Variants in PCDHA10 observed in about 807,000 individuals in gnomAD.
PCDHA10 encodes protocadherin alpha-10.
PCDHA10 carries 45 observed loss-of-function variants against 61.2 expected under a neutral mutation model. The ratio of observed to expected loss-of-function variants is 0.74; its 90% CI spans 0.58 to 0.94. The LOEUF (loss-of-function observed/expected upper bound fraction) is 0.94. PCDHA10 is among the 40% of genes least tolerant of loss of function. The pLI is 0.00. For synonymous variants in PCDHA10, 602 were observed against 548.8 expected (o/e 1.10, Z -1.35); for missense variants, 1,278 against 1,236.2 (o/e 1.03, Z -0.51).
In PCDHA10 at chr5:141,011,628, A is replaced by G. The variant is rs568783669; in HGVS notation, c.*1691A>G. On this transcript the variant is annotated 3_prime_UTR_variant, in exon 4 of 4. Coordinates refer to ENST00000307360, the MANE Select transcript of PCDHA10 (RefSeq NM_018901.4). ...TTTATTTATGGTCCAGCCAAGAGCC[A>G]TCTCGTGCCAAGACTTCTGCTGGCA... is the stretch of plus-strand genomic sequence containing the variant. The G allele has an allele frequency of 6.5e-6, 1 of 153,882 alleles. No homozygotes were observed. Among genetic ancestry groups the G allele is most frequent in the East Asian group, 1.9e-4 (1 of 5,186 alleles). 9.5% of individuals were successfully genotyped at this position (153,882 alleles called of 1,614,324 possible).
intron 1 of PCDHA10, chr5:140,926,720 T>C (rs2083499438): frequency 2.0e-6 from 2 of 1,002,404 alleles, no homozygotes; most frequent in Non-Finnish European, 2.7e-6. Flanking sequence ...GCCCCGGCAA[T>C]GCCGGCGTTC....
rs782527785 is a variant in PCDHA10, at chr5:140,882,593, A to C, written c.2388+24157A>C. 1.9e-6 allele frequency: 3 copies of C among 1,614,126 alleles called. No homozygotes were observed. In the African/African-American group the frequency reaches 4.0e-5, roughly 22 times the overall value. On this transcript the variant is annotated intron_variant, in intron 1 of 3. Coordinates refer to ENST00000307360, the MANE Select transcript of PCDHA10 (RefSeq NM_018901.4). ...GGAGTGCAGCATCCACCTGGAGGTG[A>C]TCGTGGACAGGCCTCTGCAGGTTTT...
At chr5:140,899,512 G>T (rs4386771) in intron 1 of PCDHA10, among the ~76,000 whole-genome samples, 1 of 152,040 alleles carries the variant, frequency 6.6e-6, no homozygotes, top group African/African-American at 2.4e-5. Flanking sequence ...TGCATATATT[G>T]CATCCCAGGG....
chr5:140,864,968 G>C (rs1354647495), intron 1 of PCDHA10: 1 of 152,146 alleles, frequency 6.6e-6, no homozygotes, highest in Non-Finnish European at 1.5e-5. Flanking sequence ...GAAGCCGAGG[G>C]AGGAGGATCG....
intron 1 of PCDHA10, among the ~76,000 whole-genome samples, chr5:140,954,899 T>C (rs2095107956): frequency 6.6e-6 from 1 of 152,196 alleles, no homozygotes; most frequent in South Asian, 2.1e-4. Flanking sequence ...GTTTTTATAG[T>C]TTCATACTTT....
At chr5:140,897,443 G>T (rs533610542) in intron 1 of PCDHA10, among the ~76,000 whole-genome samples, 75 of 150,100 alleles carry the variant, frequency 5.0e-4, no homozygotes, top group Middle Eastern at 3.5e-3. Flanking sequence ...GCAGTGTTTG[G>T]TTTTTTGTCC....
chr5:140,989,403 G>A (rs1327699534), intron 3 of PCDHA10, among the ~76,000 whole-genome samples: 4 of 152,182 alleles, frequency 2.6e-5, no homozygotes, highest in African/African-American at 9.7e-5. Context: ...GGAGGGTGGA[G>A]AGTCTGCACT....
At chr5:141,005,701 CAAAAAAAAAAAAAA>C (rs59860837) in intron 3 of PCDHA10, among the ~76,000 whole-genome samples, 79 of 7,792 alleles carry the variant, frequency 0.01, 1 homozygote, top group Admixed American at 0.027. Flanking sequence ...AACTCCGTCT[CAAAAAAAAAAAAAA>C]AAAAAAAAAA....
chr5:140,871,292 C>A (rs2052919411), intron 1 of PCDHA10: 2 of 1,613,772 alleles, frequency 1.2e-6, no homozygotes, highest in Non-Finnish European at 8.5e-7. Flanking sequence ...ACTGAGGGCG[C>A]GTGCGCGCCG....
At chr5:140,883,614 A>G (rs2059700095) in intron 1 of PCDHA10, 1 of 1,613,816 alleles carries the variant, frequency 6.2e-7, no homozygotes, top group South Asian at 1.1e-5. Context: ...GCCGACGTGA[A>G]CGACAACGCG....
In PCDHA10 at chr5:140,923,435, G is replaced by A. The variant is rs186360462; in HGVS notation, c.2389-55514G>A. 5.3e-3 allele frequency among the ~76,000 whole-genome samples: 803 copies of A among 152,184 alleles called. 3 individuals are homozygous for A. Among genetic ancestry groups the A allele is most frequent in the Non-Finnish European group, 8.4e-3 (569 of 67,990 alleles). ...CCTGGCTACTTGGGAGGCTGGGGTG[G>A]GAGGATCACCTGAGCCCAGAGAGGT... On this transcript the variant is annotated intron_variant, in intron 1 of 3. Transcript: ENST00000307360.
chr5:140,971,642 A>G (rs1586490477), intron 1 of PCDHA10, among the ~76,000 whole-genome samples: 1 of 152,330 alleles, frequency 6.6e-6, no homozygotes, highest in East Asian at 1.9e-4. Flanking sequence ...ATGTGCCTAC[A>G]TTAAAAGTAG....
chr5:140,856,858 AGG>A lies in PCDHA10; in HGVS notation c.811_812del (p.Gly271AsnfsTer10). 1 of 1,594,634 alleles carries A rather than the reference AGG, an allele frequency of 6.3e-7. No individual in the cohort carries two copies. The highest frequency in any genetic ancestry group is 8.6e-7 in the Non-Finnish European group (1 of 1,164,460). On this transcript the variant is annotated frameshift_variant, in exon 1 of 4. Transcript: ENST00000307360. LOFTEE classifies it high-confidence loss of function. ...GGCTCAACGCTTCTGATTCGGATGA[AGG>A]AATAAACAAGGAAATGATGTATTCA... The part of the protein sequence containing the change: ...IRLNASDSDE[G>X]INKEMMYSFS...
At chr5:140,926,998 G>C in intron 1 of PCDHA10, 1 of 1,612,288 alleles carries the variant, frequency 6.2e-7, no homozygotes, top group Non-Finnish European at 8.5e-7. Flanking sequence ...GGGCGTAGCC[G>C]TAGGCAATCT....
chr5:140,959,480 T>C (rs1554224103), intron 1 of PCDHA10, among the ~76,000 whole-genome samples: 1 of 152,222 alleles, frequency 6.6e-6, no homozygotes, highest in Non-Finnish European at 1.5e-5. Context: ...TCAAGGCATA[T>C]TGTTATATAT....
chr5:140,983,207 T>A (rs999147697), intron 3 of PCDHA10, among the ~76,000 whole-genome samples: 1 of 152,236 alleles, frequency 6.6e-6, no homozygotes, highest in Non-Finnish European at 1.5e-5. Flanking sequence ...TAATAGGGAC[T>A]ATTTCCTAAT....
intron 1 of PCDHA10, among the ~76,000 whole-genome samples, chr5:140,974,807 A>T (rs2096641510): frequency 6.6e-6 from 1 of 152,202 alleles, no homozygotes; most frequent in Admixed American, 6.5e-5. Context: ...ATATACTAGA[A>T]GACCAATATG....
intron 3 of PCDHA10, among the ~76,000 whole-genome samples, chr5:140,991,755 C>T (rs2153897425): frequency 6.6e-6 from 1 of 152,268 alleles, no homozygotes; most frequent in South Asian, 2.1e-4. Context: ...TTCTATCATG[C>T]TCTTCAAAAT....
intron 1 of PCDHA10, chr5:140,875,365 A>T: frequency 6.9e-7 from 1 of 1,449,394 alleles, no homozygotes; most frequent in Non-Finnish European, 9.1e-7. Context: ...TGCTGGAAAA[A>T]ATTTACTAAA....
Sources: allele counts gnomAD v4.1 joint callset (sites outside exome capture counted in the v4.1 genomes callset), GRCh38; gene constraint gnomAD v4.1.1; transcripts MANE v1.5; gene names NCBI Gene and HGNC (gene_info 2026-07-23, HGNC 2026-07-21).